The following ZFPM2 variants were observed in gnomAD, a reference collection of about 807,000 sequenced individuals.
ZFPM2 encodes the protein zinc finger protein ZFPM2.
ZFPM2 carries 20 observed loss-of-function variants against 98.6 expected under a neutral mutation model. The ratio of observed to expected loss-of-function variants is 0.20; its 90% CI spans 0.14 to 0.29. ZFPM2 has a LOEUF of 0.29. ZFPM2 is among the 10% of genes least tolerant of loss of function. The pLI is 1.00. For missense variants in ZFPM2, 1,310 were observed against 1,388.6 expected (o/e 0.94, Z 0.90); for synonymous variants, 518 against 502.7 (o/e 1.03, Z -0.41).
intron 1 of ZFPM2, among the ~76,000 whole-genome samples, chr8:105,353,052 T>G (rs1374527613): frequency 6.6e-6 from 1 of 152,194 alleles, no homozygotes; most frequent in Non-Finnish European, 1.5e-5. Flanking sequence ...TAAAGTGTTA[T>G]TAGTTGGGTT....
chr8:105,449,009 C>A (rs190413240), intron 3 of ZFPM2, among the ~76,000 whole-genome samples: 2 of 151,956 alleles, frequency 1.3e-5, no homozygotes, highest in African/African-American at 2.4e-5. Flanking sequence ...TAGAAGGAGA[C>A]TAGGGAAAGA....
Position 105,549,012 on chromosome 8 carries a change from A to G in ZFPM2, c.302-12351A>G, listed in dbSNP as rs530282271. 2.0e-5 allele frequency among the ~76,000 whole-genome samples: 3 copies of G among 152,298 alleles called. No homozygotes were observed. In the East Asian group the frequency reaches 5.8e-4, roughly 29 times the overall value. Reference sequence around the variant, plus strand: ...GAATAGTACTGTCTTCAGAAGTCTGATACATGGTGGGCTATTGTAGGTCTA... The same window carrying G: ...GAATAGTACTGTCTTCAGAAGTCTGGTACATGGTGGGCTATTGTAGGTCTA... On this transcript the variant is annotated intron_variant, in intron 3 of 7. Transcript: ENST00000407775.
intron 5 of ZFPM2, among the ~76,000 whole-genome samples, chr8:105,657,646 A>C (rs564917829): frequency 6.6e-6 from 1 of 152,176 alleles, no homozygotes; most frequent in African/African-American, 2.4e-5. Context: ...TTGGGCACGT[A>C]CTTTATAAGC....
intron 1 of ZFPM2, among the ~76,000 whole-genome samples, chr8:105,338,193 A>G (rs1812361955): frequency 6.6e-6 from 1 of 151,748 alleles, no homozygotes; most frequent in East Asian, 1.9e-4. Context: ...ATTTTTCACT[A>G]TGCATAGAGA....
intron 1 of ZFPM2, among the ~76,000 whole-genome samples, chr8:105,375,682 G>A (rs1423673432): frequency 6.6e-6 from 1 of 152,082 alleles, no homozygotes; most frequent in Non-Finnish European, 1.5e-5. Flanking sequence ...GATGTTGTGG[G>A]CTTAACTATT....
chr8:105,632,358 C>T (rs955915317), intron 4 of ZFPM2, among the ~76,000 whole-genome samples: 7 of 151,946 alleles, frequency 4.6e-5, no homozygotes, highest in African/African-American at 9.7e-5. Flanking sequence ...TTAGTAGAGA[C>T]GGGATTTCAC....
At chr8:105,449,011 A>G (rs1011834692) in intron 3 of ZFPM2, among the ~76,000 whole-genome samples, 3 of 152,072 alleles carry the variant, frequency 2.0e-5, no homozygotes, top group Non-Finnish European at 2.9e-5. Flanking sequence ...GAAGGAGACT[A>G]GGGAAAGAAA....
At chr8:105,648,094 A>G (rs939810407) in intron 5 of ZFPM2, among the ~76,000 whole-genome samples, 1 of 152,182 alleles carries the variant, frequency 6.6e-6, no homozygotes, top group African/African-American at 2.4e-5. Flanking sequence ...ATGGTATCTC[A>G]TTGTGGTTTT....
chr8:105,777,816 A>G (rs889833858), intron 5 of ZFPM2, among the ~76,000 whole-genome samples: 1 of 152,222 alleles, frequency 6.6e-6, no homozygotes, highest in Non-Finnish European at 1.5e-5. Flanking sequence ...TCTAACAACT[A>G]TGAAGTAGTT....
intron 5 of ZFPM2, among the ~76,000 whole-genome samples, chr8:105,649,912 G>C (rs1377610898): frequency 6.6e-6 from 1 of 152,178 alleles, no homozygotes; most frequent in Non-Finnish European, 1.5e-5. Flanking sequence ...AGTTAGGGAG[G>C]ATTCCCTCTT....
chr8:105,406,843 T>C (rs1018720535), intron 1 of ZFPM2, among the ~76,000 whole-genome samples: 1 of 152,008 alleles, frequency 6.6e-6, no homozygotes, highest in Non-Finnish European at 1.5e-5. Flanking sequence ...AAGTAGTGAA[T>C]GGCAGAGGCA....
chr8:105,554,476 C>T (rs1240761655), intron 3 of ZFPM2, among the ~76,000 whole-genome samples: 2 of 152,098 alleles, frequency 1.3e-5, no homozygotes, highest in Non-Finnish European at 1.5e-5. Flanking sequence ...AGCATGACTT[C>T]GGGGCTGTCC....
intron 4 of ZFPM2, among the ~76,000 whole-genome samples, chr8:105,623,102 A>G (rs1225790853): frequency 6.6e-6 from 1 of 152,196 alleles, no homozygotes. Flanking sequence ...CACAGATTAG[A>G]TAAGCTTTGT....
intron 1 of ZFPM2, among the ~76,000 whole-genome samples, chr8:105,389,312 A>C (rs1811063206): frequency 6.6e-6 from 1 of 152,146 alleles, no homozygotes; most frequent in African/African-American, 2.4e-5. Flanking sequence ...CACTAGAAAA[A>C]GCATATATAA....
At chr8:105,462,585 C>T (rs1386993096) in intron 3 of ZFPM2, among the ~76,000 whole-genome samples, 1 of 152,084 alleles carries the variant, frequency 6.6e-6, no homozygotes, top group African/African-American at 2.4e-5. Flanking sequence ...TGCCTGTCAA[C>T]TTTCTATCTC....
intron 6 of ZFPM2, among the ~76,000 whole-genome samples, chr8:105,795,226 T>C (rs1164157698): frequency 6.7e-6 from 1 of 148,894 alleles, no homozygotes; most frequent in African/African-American, 2.5e-5. Flanking sequence ...CCATCTTGGC[T>C]CCTCCCCCTC....
chr8:105,515,953 C>T (rs1448907919), intron 3 of ZFPM2, among the ~76,000 whole-genome samples: 5 of 113,898 alleles, frequency 4.4e-5, no homozygotes, highest in Non-Finnish European at 8.3e-5. Context: ...GTTTTGCTCT[C>T]GTTGCCCAGG....
chr8:105,650,024 G>T (rs111585345), intron 5 of ZFPM2, among the ~76,000 whole-genome samples: 1 of 152,046 alleles, frequency 6.6e-6, no homozygotes, highest in South Asian at 2.1e-4. Context: ...ACTTTTTTTG[G>T]TTGGTAGGCT....
chr8:105,465,063 A>G (rs1812774155), intron 3 of ZFPM2, among the ~76,000 whole-genome samples: 3 of 151,608 alleles, frequency 2.0e-5, no homozygotes, highest in African/African-American at 7.3e-5. Context: ...ATTATTCTTG[A>G]TTTTGCCCTT....
Sources: allele counts gnomAD v4.1 joint callset (sites outside exome capture counted in the v4.1 genomes callset), GRCh38; gene constraint gnomAD v4.1.1; transcripts MANE v1.5; gene names NCBI Gene and HGNC (gene_info 2026-07-23, HGNC 2026-07-21).